The following PPP2R1B variants were observed in gnomAD, a reference collection of about 807,000 sequenced individuals.
PPP2R1B encodes protein phosphatase 2 scaffold subunit Abeta.
PPP2R1B carries 58 observed loss-of-function variants against 72.7 expected under a neutral mutation model. The observed-to-expected ratio is 0.80, with a 90% CI of 0.65 to 0.99. The LOEUF (loss-of-function observed/expected upper bound fraction) is 0.99. Ranked by LOEUF, PPP2R1B falls within the 50% of genes least tolerant of loss-of-function variation. The probability of loss-of-function intolerance (pLI) is 0.00; values close to 1 mark genes in which losing one functional copy is unlikely to be tolerated. For missense variants in PPP2R1B, 695 were observed against 733.6 expected, an observed-to-expected ratio of 0.95 and a Z score of 0.61; for synonymous variants, 256 against 264.6, an observed-to-expected ratio of 0.97 and a Z score of 0.32.
chr11:111,738,160 A>G lies in PPP2R1B; in HGVS notation c.*3436T>C. ...TGGAGAATCAAAGGGAAACAGTTAC[A>G]TCACATCAGACTGCAGTCACCTCAG... On this transcript the variant is annotated 3_prime_UTR_variant, in exon 15 of 15. Transcript: ENST00000527614. The G allele has an allele frequency of 1.0e-6, 1 of 986,870 alleles. No homozygotes were observed. Among genetic ancestry groups the G allele is most frequent in the Non-Finnish European group, 1.2e-6 (1 of 830,812 alleles). 61.1% of individuals were successfully genotyped at this position (986,870 alleles called of 1,614,324 possible). A position where few individuals can be genotyped will look rare whatever the true frequency, so the allele number is the denominator to read the frequency against.
chr11:111,745,424 C>T (rs1165959866), intron 11 of PPP2R1B, among the ~76,000 whole-genome samples: 1 of 152,162 alleles, frequency 6.6e-6, no homozygotes, highest in African/African-American at 2.4e-5. Context: ...TCTCTACTGC[C>T]AGAAAAACCA....
Position 111,739,796 on chromosome 11 carries a change from GAAT to G in PPP2R1B, c.*1797_*1799del. On this transcript the variant is annotated 3_prime_UTR_variant, in exon 15 of 15. Coordinates refer to ENST00000527614, the MANE Select transcript of PPP2R1B (RefSeq NM_002716.5). ...TGAAACTAAAATTAAAATGTTTACA[GAAT>G]AATAGCATAAGATATTAAAATGAGA... 1.0e-6 allele frequency: 1 copy of G among 968,212 alleles called. No individual in the cohort carries two copies. Among genetic ancestry groups the G allele is most frequent in the Non-Finnish European group, 1.2e-6 (1 of 814,294 alleles). 60.0% of individuals were successfully genotyped at this position (968,212 alleles called of 1,614,324 possible).
intron 12 of PPP2R1B, 121 bp from the exon 13 acceptor site, chr11:111,742,786 A>G (rs1347096375): frequency 7.9e-6 from 7 of 887,482 alleles, no homozygotes; most frequent in Non-Finnish European, 6.4e-6. Flanking sequence ...TAGTTTGAGC[A>G]GCTGAGTGGG....
intron 15 of PPP2R1B, chr11:111,730,180 G>A (rs1417651085): frequency 6.6e-6 from 1 of 152,212 alleles, no homozygotes; most frequent in African/African-American, 2.4e-5. Context: ...TGGGTAGAGG[G>A]GAGCTTTAAA....
chr11:111,740,501 A>C lies in PPP2R1B; in HGVS notation c.*1095T>G. The C allele has an allele frequency of 2.0e-6, 2 of 985,294 alleles. No individual in the cohort carries two copies. The highest frequency in any genetic ancestry group is 2.4e-6 in the Non-Finnish European group (2 of 829,782). 61.0% of individuals were successfully genotyped at this position (985,294 alleles called of 1,614,324 possible). Reference sequence around the variant, plus strand: ...TTTAAAAAGGGCTTTAATACTGTTTAAGTAGTTCAAATAGGCTTCCTCACT... The same window carrying C: ...TTTAAAAAGGGCTTTAATACTGTTTCAGTAGTTCAAATAGGCTTCCTCACT... On this transcript the variant is annotated 3_prime_UTR_variant, in exon 15 of 15. Coordinates refer to ENST00000527614, the MANE Select transcript of PPP2R1B (RefSeq NM_002716.5).
chr11:111,742,323 A>G, intron 13 of PPP2R1B, 179 bp from the exon 14 acceptor site: 2 of 643,732 alleles, frequency 3.1e-6, no homozygotes, highest in South Asian at 6.3e-5. Context: ...GCTTCAGACA[A>G]GGATCTACAC....
intron 9 of PPP2R1B, among the ~76,000 whole-genome samples, chr11:111,753,113 A>G (rs1417290593): frequency 4.6e-5 from 7 of 152,222 alleles, no homozygotes; most frequent in Non-Finnish European, 7.3e-5. Context: ...ATTAGGTATC[A>G]TTATAATTTT....
downstream of PPP2R1B, chr11:111,737,367 G>A (rs1944368523): frequency 1.1e-5 from 17 of 1,599,626 alleles, no homozygotes; most frequent in Non-Finnish European, 1.5e-5. Context: ...CCTACCCTGT[G>A]GCAGCTCCCT....
In PPP2R1B at chr11:111,766,370, TC is replaced by T; in HGVS notation, c.-10del. The T allele has an allele frequency of 1.4e-6, 1 of 719,024 alleles. No individual in the cohort carries two copies. 44.5% of individuals were successfully genotyped at this position (719,024 alleles called of 1,614,324 possible). On this transcript the variant is annotated 5_prime_UTR_variant, in exon 1 of 15. Coordinates refer to ENST00000527614, the MANE Select transcript of PPP2R1B (RefSeq NM_002716.5). ...TCTGATGCGCCCGCCATGTTCTTTC[TC>T]CTCCTGCTGCTGGTCACCGCCTCCC...
intron 3 of PPP2R1B, 130 bp from the exon 4 acceptor site, chr11:111,761,181 T>G: frequency 1.2e-6 from 1 of 838,822 alleles, no homozygotes; most frequent in African/African-American, 1.7e-5. Context: ...TCATACCAAA[T>G]GGTTACTTTC....
the PPP2R1B span, among the ~76,000 whole-genome samples, chr11:111,712,709 C>T: frequency 6.6e-6 from 1 of 152,126 alleles, no homozygotes; most frequent in African/African-American, 2.4e-5. Flanking sequence ...TTTTCCCTAA[C>T]AAATTAATGC....
At chr11:111,748,078 T>C (rs534472856) in intron 10 of PPP2R1B, 64 bp from the exon 11 acceptor site, 1 of 1,480,078 alleles carries the variant, frequency 6.8e-7, no homozygotes, top group Non-Finnish European at 9.3e-7. Flanking sequence ...ATGGTCTATT[T>C]ACATTACACC....
intron 12 of PPP2R1B, among the ~76,000 whole-genome samples, 184 bp downstream of exon 12, chr11:111,743,192 C>A (rs759259972): frequency 7.2e-5 from 11 of 152,186 alleles, no homozygotes; most frequent in Non-Finnish European, 1.0e-4. Context: ...CTGTGCCCAG[C>A]CAATACTGTA....
Position 111,765,328 on chromosome 11 carries a change from T to C in PPP2R1B, c.171A>G (p.Glu57=), listed in dbSNP as rs1945483531. ...LSTIALALGV[E]RTRSELLPFL... is the part of the protein sequence containing the mutation. ...ATGGCAACAATTCACTTCGGGTCCTTTCTACTCCAAGTGCTAGGGCAATTG... is the reference window on the plus strand; with the variant it reads ...ATGGCAACAATTCACTTCGGGTCCTCTCTACTCCAAGTGCTAGGGCAATTG... Residue 57 remains glutamate, a synonymous_variant, in exon 2 of 15, where the codon GAA becomes GAG. Coordinates refer to ENST00000527614, the MANE Select transcript of PPP2R1B (RefSeq NM_002716.5). The C allele has an allele frequency of 1.2e-6, 2 of 1,613,682 alleles. No homozygotes were observed. The highest frequency in any genetic ancestry group is 4.5e-5 in the East Asian group (2 of 44,850).
In PPP2R1B at chr11:111,765,354, T is replaced by C. The variant is rs782243639; in HGVS notation, c.145A>G (p.Thr49Ala). 6.2e-7 allele frequency: 1 copy of C among 1,613,626 alleles called. No individual in the cohort carries two copies. The highest frequency in any genetic ancestry group is 8.5e-7 in the Non-Finnish European group (1 of 1,179,628). ...TCTACTCCAAGTGCTAGGGCAATTG[T>C]TGATAACTTCTTAATACTGTTGAGT... is the stretch of plus-strand genomic sequence containing the variant. ...LRLNSIKKLSTIALALGVERT... is the reference protein window; with the variant it reads ...LRLNSIKKLSAIALALGVERT... The change falls in exon 2 of 15, where the codon ACA becomes GCA. Residue 49 changes from threonine (T) to alanine (A), a missense_variant. By Grantham distance (58) the Thr-to-Ala change is moderately conservative (BLOSUM62 0). Coordinates refer to ENST00000527614, the MANE Select transcript of PPP2R1B (RefSeq NM_002716.5).
At chr11:111,701,587 T>C in the PPP2R1B span, 9 of 1,613,224 alleles carry the variant, frequency 5.6e-6, no homozygotes, top group East Asian at 2.0e-4. The surrounding 1 kb of genome is among the most constrained non-coding windows in gnomAD (Gnocchi z 4.2). Flanking sequence ...TAATCAACTT[T>C]TCATCTTATT....
chr11:111,761,668 T>C (rs1281864926), intron 3 of PPP2R1B, among the ~76,000 whole-genome samples: 3 of 152,168 alleles, frequency 2.0e-5, no homozygotes, highest in Non-Finnish European at 4.4e-5. Context: ...AAGTGAAAAC[T>C]ACAGAGACTG....
At chr11:111,729,541 T>G (rs1220381598) in intron 15 of PPP2R1B, 1 of 152,276 alleles carries the variant, frequency 6.6e-6, no homozygotes, top group East Asian at 1.9e-4. Flanking sequence ...TAGAAGGAGC[T>G]GGGACACGCG....
the PPP2R1B span, chr11:111,720,873 T>C: frequency 1.8e-5 from 29 of 1,609,114 alleles, no homozygotes; most frequent in African/African-American, 2.7e-5. Context: ...TTAGTTAAAC[T>C]GTTTGGTCTT....
Sources: gnomAD v4.1 joint callset for allele counts (sites outside exome capture counted in the v4.1 genomes callset) on GRCh38, gnomAD v4.1.1 for gene constraint, Gnocchi (gnomAD v3.1) non-coding constraint, MANE v1.5 for transcripts, NCBI Gene and HGNC (gene_info 2026-07-23, HGNC 2026-07-21) for gene names.